SLFN13: variants seen among roughly 807,000 people sequenced by gnomAD.
SLFN13 encodes schlafen family member 13.
Under a neutral mutation model 50.6 loss-of-function variants are expected in SLFN13, and 43 were observed. The observed-to-expected ratio is 0.85, with a 90% CI of 0.67 to 1.09. The LOEUF is 1.09. SLFN13 is among the 50% of genes least tolerant of loss of function. SLFN13 has a pLI of 0.00. For synonymous variants in SLFN13, 339 were observed against 386.5 expected (o/e 0.88, Z 1.44); for missense variants, 881 against 1,071.1 (o/e 0.82, Z 2.48).
In SLFN13 at chr17:35,448,742, A is replaced by AAGCTCCAGGACACTCCGCGTTTCC. The variant is rs927167637; in HGVS notation, c.-205_-182dup. 1 of 152,276 alleles carries AAGCTCCAGGACACTCCGCGTTTCC rather than the reference A, an allele frequency of 6.6e-6. No individual in the cohort carries two copies. The highest frequency in any genetic ancestry group is 1.5e-5 in the Non-Finnish European group (1 of 68,132). 9.4% of individuals were successfully genotyped at this position (152,276 alleles called of 1,614,324 possible). ...CTTACCTCTCAAGCTCCAGCGCGTC[A>AAGCTCCAGGACACTCCGCGTTTCC]AGCTCCAGGACACTCCGCGTTTCCC... On this transcript the variant is annotated 5_prime_UTR_variant, in exon 1 of 6. Transcript: ENST00000285013.
chr17:35,449,670 C>T (rs777743414), upstream of SLFN13, among the ~76,000 whole-genome samples: 3 of 152,192 alleles, frequency 2.0e-5, no homozygotes, highest in Admixed American at 6.5e-5. Flanking sequence ...ACTACGAAAC[C>T]CATACACTCG....
chr17:35,439,248 C>T lies in SLFN13; in HGVS notation c.*1347G>A, dbSNP rs1912731313. On this transcript the variant is annotated 3_prime_UTR_variant, in exon 6 of 6. Coordinates refer to ENST00000285013, the MANE Select transcript of SLFN13 (RefSeq NM_144682.6). Reference sequence around the variant, plus strand: ...GACTTCGTGTAACCTTAATTACTTCCTTAGCAGCCCCAGCTCCACAGTGAA... The same window carrying T: ...GACTTCGTGTAACCTTAATTACTTCTTTAGCAGCCCCAGCTCCACAGTGAA... 1 of 152,140 alleles carries T rather than the reference C, an allele frequency of 6.6e-6. No homozygotes were observed. The allele number at this position is 152,140 out of a possible 1,614,324, so 9.4% of individuals were successfully genotyped here.
Position 35,444,728 on chromosome 17 carries a change from G to A in SLFN13, c.953C>T (p.Ala318Val), listed in dbSNP as rs376264751. Residue 318 changes from alanine (A) to valine (V), a missense_variant, in exon 3 of 6, where the codon GCA (alanine) becomes GTA (valine). Ala to Val is a moderately conservative substitution (Grantham distance 64). This residue lies in a region of SLFN13 where 497 missense variants were observed against 518.3 expected (regional missense o/e 0.96). Coordinates refer to ENST00000285013, the MANE Select transcript of SLFN13 (RefSeq NM_144682.6). ...YGYLCVIKVK[A>V]FCCVVFSEAP... ...TTCCGAGAACACCACACAACAGAAT[G>A]CCTTCACTTTAATCACACAGAGATA... 1 of 1,614,032 alleles carries A rather than the reference G, an allele frequency of 6.2e-7. No homozygotes were observed. Among genetic ancestry groups the A allele is most frequent in the Non-Finnish European group, 8.5e-7 (1 of 1,180,044 alleles).
chr17:35,441,121 G>A lies in SLFN13; in HGVS notation c.2168C>T (p.Pro723Leu). 1 of 1,613,992 alleles carries A rather than the reference G, an allele frequency of 6.2e-7. No individual in the cohort carries two copies. The highest frequency in any genetic ancestry group is 8.5e-7 in the Non-Finnish European group (1 of 1,179,994). ...AACTACTCTGGTGAGCTCTTCTCTT[G>A]GATACTGTGCTGAGAGAGGGGGAAG... is the stretch of plus-strand genomic sequence containing the variant. ...SGLPPLSAQY[P>L]REELTRVVRN... Residue 723 changes from proline to leucine, a missense_variant, in exon 6 of 6, where the codon CCA (proline) becomes CTA (leucine). Pro to Leu is a moderately conservative substitution (Grantham distance 98). Transcript: ENST00000285013.
Position 35,440,342 on chromosome 17 carries a change from T to A in SLFN13, c.*253A>T. ...TTGTGCAGCACAGCTAAAGTTCCTTTAGAAAACCACCATCTTTCTGGCTGC... is the reference window on the plus strand; with the variant it reads ...TTGTGCAGCACAGCTAAAGTTCCTTAAGAAAACCACCATCTTTCTGGCTGC... On this transcript the variant is annotated 3_prime_UTR_variant, in exon 6 of 6. Coordinates refer to ENST00000285013, the MANE Select transcript of SLFN13 (RefSeq NM_144682.6). The A allele has an allele frequency of 1.8e-6, 1 of 554,322 alleles. No individual in the cohort carries two copies. 34.3% of individuals were successfully genotyped at this position (554,322 alleles called of 1,614,324 possible).
At chr17:35,447,505 A>G (rs528727973) in intron 1 of SLFN13, 91 bp from the exon 2 acceptor site, 1 of 152,310 alleles carries the variant, frequency 6.6e-6, no homozygotes, top group East Asian at 1.9e-4. Context: ...CATGGGAATA[A>G]TTAGAGATAA....
Position 35,436,418 on chromosome 17 carries a change from A to C in SLFN13, c.*4177T>G, listed in dbSNP as rs1206357148. On this transcript the variant is annotated 3_prime_UTR_variant, in exon 6 of 6. Transcript: ENST00000285013. ...ATCAGTTCTCTGAACTCTTTGAATAATTACTTTTTAATTAGAAAAAAATCT... is the reference window on the plus strand; with the variant it reads ...ATCAGTTCTCTGAACTCTTTGAATACTTACTTTTTAATTAGAAAAAAATCT... The C allele has an allele frequency of 6.6e-6, 1 of 152,102 alleles. No individual in the cohort carries two copies. Among genetic ancestry groups the C allele is most frequent in the Non-Finnish European group, 1.5e-5 (1 of 68,026 alleles). The allele number at this position is 152,102 out of a possible 1,614,324, so 9.4% of individuals were successfully genotyped here. A position where few individuals can be genotyped will look rare whatever the true frequency, so the allele number is the denominator to read the frequency against.
chr17:35,443,979 G>A, intron 3 of SLFN13, 59 bp from the exon 4 acceptor site: 1 of 1,504,304 alleles, frequency 6.6e-7, no homozygotes, highest in Non-Finnish European at 9.0e-7. Context: ...TATTGGAATA[G>A]GCTGTACAAG....
chr17:35,443,216 C>T (rs1344039288), intron 4 of SLFN13, among the ~76,000 whole-genome samples: 1 of 152,180 alleles, frequency 6.6e-6, no homozygotes, highest in Non-Finnish European at 1.5e-5. Context: ...AGAGGGGTTA[C>T]ATAACATTGT....
In SLFN13 at chr17:35,441,068, T is replaced by C. The variant is rs114737688; in HGVS notation, c.2221A>G (p.Ile741Val). 100 of 1,613,848 alleles carry C rather than the reference T, an allele frequency of 6.2e-5. No individual in the cohort carries two copies. Among genetic ancestry groups the C allele is most frequent in the Non-Finnish European group, 7.9e-5 (93 of 1,180,018 alleles). Reference sequence around the variant, plus strand: ...ATAATTAGTTGCATTTCTTGTTGTATGTACTCGGCTATTTCATCTGCATTG... The same window carrying C: ...ATAATTAGTTGCATTTCTTGTTGTACGTACTCGGCTATTTCATCTGCATTG... ...VRNADEIAEYIQQEMQLIIEN... is the reference protein window; with the variant it reads ...VRNADEIAEYVQQEMQLIIEN... Residue 741 changes from isoleucine (I) to valine (V), a missense_variant, in exon 6 of 6, where the codon ATA (isoleucine) becomes GTA (valine). Around this residue, in one of 5 missense-constraint regions of SLFN13, gnomAD observed 322 missense variants for 327.4 expected, o/e 0.98. Coordinates refer to ENST00000285013, the MANE Select transcript of SLFN13 (RefSeq NM_144682.6).
Sources: gnomAD v4.1 joint callset for allele counts (sites outside exome capture counted in the v4.1 genomes callset) on GRCh38, gnomAD v4.1.1 for gene constraint, gnomAD v4.1.1 regional missense constraint, MANE v1.5 for transcripts, NCBI Gene and HGNC (gene_info 2026-07-23, HGNC 2026-07-21) for gene names.